Variants in SGIP1 observed in about 807,000 individuals in gnomAD.
SGIP1 encodes the protein SH3GL interacting endocytic adaptor 1, also known as SH3-containing GRB2-like protein 3-interacting protein 1.
A neutral mutation model predicts 107.5 loss-of-function variants in SGIP1; 38 were observed. The ratio of observed to expected loss-of-function variants is 0.35; its 90% CI spans 0.27 to 0.46. The LOEUF is 0.46. Ranked by LOEUF, SGIP1 falls within the 20% of genes least tolerant of loss-of-function variation. SGIP1 has a pLI of 1.00. For synonymous variants in SGIP1, 365 were observed against 366.1 expected, an observed-to-expected ratio of 1.00 and a Z score of 0.03; for missense variants, 929 against 1,019.5, an observed-to-expected ratio of 0.91 and a Z score of 1.21.
intron 1 of SGIP1, among the ~76,000 whole-genome samples, chr1:66,599,163 T>C (rs1001223020): frequency 2.0e-5 from 3 of 152,220 alleles, no homozygotes; most frequent in Admixed American, 6.5e-5. Flanking sequence ...AATGCTCAAG[T>C]TACTCGAACC....
chr1:66,714,493 A>G (rs1386306961), intron 18 of SGIP1, among the ~76,000 whole-genome samples: 2 of 152,116 alleles, frequency 1.3e-5, no homozygotes, highest in East Asian at 1.9e-4. Flanking sequence ...GAAAGACTAC[A>G]TATTTGTGCC....
At chr1:66,709,042 G>T (rs114834780) in intron 18 of SGIP1, among the ~76,000 whole-genome samples, 3,027 of 150,414 alleles carry the variant, frequency 0.02, 98 homozygotes, top group African/African-American at 0.069. Context: ...TTAAGTTCTG[G>T]GATACATGCG....
chr1:66,724,399 T>C (rs1423420420), intron 19 of SGIP1, among the ~76,000 whole-genome samples: 1 of 152,176 alleles, frequency 6.6e-6, no homozygotes, highest in African/African-American at 2.4e-5. Context: ...GAAAAATCCT[T>C]AAGTTAAAAA....
At chr1:66,653,576 C>A (rs1347443044) in intron 7 of SGIP1, among the ~76,000 whole-genome samples, 1 of 152,124 alleles carries the variant, frequency 6.6e-6, no homozygotes, top group Non-Finnish European at 1.5e-5. Context: ...TCTGGGCAAG[C>A]TGACCTGATT....
intron 7 of SGIP1, among the ~76,000 whole-genome samples, chr1:66,648,626 C>T (rs4655648): frequency 0.66 from 100,397 of 152,044 alleles, 34,163 homozygotes; most frequent in East Asian, 1. Flanking sequence ...ATTGCCTAGA[C>T]CTACCAGGCC....
At chr1:66,595,867 G>A (rs1254373534) in intron 1 of SGIP1, among the ~76,000 whole-genome samples, 1 of 152,190 alleles carries the variant, frequency 6.6e-6, no homozygotes, top group Non-Finnish European at 1.5e-5. Context: ...TTCTTGCAAT[G>A]ACAAAATTAG....
upstream of SGIP1, chr1:66,533,738 TAA>T (rs2052904318): frequency 1.3e-5 from 2 of 152,744 alleles, no homozygotes; most frequent in Non-Finnish European, 2.9e-5. Flanking sequence ...ACGGAATTAT[TAA>T]GTTTTTCTTA....
intron 18 of SGIP1, among the ~76,000 whole-genome samples, chr1:66,701,955 C>T (rs1450306069): frequency 6.6e-6 from 1 of 152,196 alleles, no homozygotes; most frequent in Non-Finnish European, 1.5e-5. Context: ...CTATTCCAAG[C>T]ATGTCACCAT....
At chr1:66,601,755 C>T (rs2065882445) in intron 1 of SGIP1, among the ~76,000 whole-genome samples, 1 of 152,138 alleles carries the variant, frequency 6.6e-6, no homozygotes, top group African/African-American at 2.4e-5. Flanking sequence ...CCTATTCTTC[C>T]TGTATGTAAG....
In SGIP1 at chr1:66,689,276, G is replaced by A; in HGVS notation, c.1443+1G>A. 1 of 1,613,378 alleles carries A rather than the reference G, an allele frequency of 6.2e-7. No homozygotes were observed. Among genetic ancestry groups the A allele is most frequent in the Non-Finnish European group, 8.5e-7 (1 of 1,179,558 alleles). On this transcript the variant is annotated splice_donor_variant, in intron 16 of 24. Transcript: ENST00000371037. LOFTEE classifies it high-confidence loss of function. ...AGGAAAACCTGGAGTTGGAGATGTG[G>A]TATGTTCCCTTCTGCCCTGGCTTGC...
chr1:66,646,800 AT>A (rs758791005), intron 7 of SGIP1, among the ~76,000 whole-genome samples: 1 of 152,218 alleles, frequency 6.6e-6, no homozygotes, highest in East Asian at 1.9e-4. Context: ...AATAAACAAA[AT>A]TTTAGTCCAG....
At chr1:66,626,518 A>C (rs552949810) in intron 2 of SGIP1, among the ~76,000 whole-genome samples, 110 of 152,346 alleles carry the variant, frequency 7.2e-4, no homozygotes, top group Non-Finnish European at 1.4e-3. Context: ...GCCCACAGAC[A>C]CTGATAGACT....
chr1:66,743,267 A>T lies in SGIP1; in HGVS notation c.*172A>T. On this transcript the variant is annotated 3_prime_UTR_variant, in exon 25 of 25. Transcript: ENST00000371037. ...TCCCTCACACACTACCATGATGACC[A>T]GTCCTACAGTATTTACTTCTAGGTG... is the stretch of plus-strand genomic sequence containing the variant. 1.7e-6 allele frequency: 1 copy of T among 571,736 alleles called. No individual in the cohort carries two copies. Among genetic ancestry groups the T allele is most frequent in the Non-Finnish European group, 3.1e-6 (1 of 323,100 alleles). 35.4% of individuals were successfully genotyped at this position (571,736 alleles called of 1,614,324 possible). A position where few individuals can be genotyped will look rare whatever the true frequency, so the allele number is the denominator to read the frequency against.
At chr1:66,593,958 G>A (rs1046522872) in intron 1 of SGIP1, among the ~76,000 whole-genome samples, 6 of 151,954 alleles carry the variant, frequency 3.9e-5, no homozygotes, top group Non-Finnish European at 5.9e-5. Flanking sequence ...CACATATTCC[G>A]ATTAGCATTG....
chr1:66,561,031 C>CA (rs768984091), intron 1 of SGIP1, among the ~76,000 whole-genome samples: 24 of 152,126 alleles, frequency 1.6e-4, no homozygotes, highest in Non-Finnish European at 2.9e-4. Context: ...TCTAGTCCCC[C>CA]AAACAACCCT....
At chr1:66,642,713 A>G in intron 5 of SGIP1, 97 bp from the exon 6 acceptor site, 1 of 1,017,562 alleles carries the variant, frequency 9.8e-7, no homozygotes, top group South Asian at 2.0e-5. Context: ...AAAAGAAAAG[A>G]CTTTTCTATA....
rs2085559823 is a variant in SGIP1, at chr1:66,677,116, T to A, written c.739+20T>A. 6 of 1,592,950 alleles carry A rather than the reference T, an allele frequency of 3.8e-6. No individual in the cohort carries two copies. Among genetic ancestry groups the A allele is most frequent in the Non-Finnish European group, 5.2e-6 (6 of 1,164,008 alleles). On this transcript the variant is annotated intron_variant, in intron 13 of 24. Transcript: ENST00000371037. ...CTGGAAGTAAGTTATGTGTCTGCTC[T>A]GTCTGGAAAAATAAGTGACTCATTT...
At chr1:66,674,696 C>T (rs2084763141) in intron 12 of SGIP1, among the ~76,000 whole-genome samples, 1 of 152,308 alleles carries the variant, frequency 6.6e-6, no homozygotes, top group South Asian at 2.1e-4. Context: ...TTATCTCTGG[C>T]TCCAAGGAGG....
Position 66,564,939 on chromosome 1 carries a change from A to G in SGIP1, c.10+30571A>G, listed in dbSNP as rs535040514. On this transcript the variant is annotated intron_variant, in intron 1 of 24. Transcript: ENST00000371037. ...AACTAGCGTAATAGTAACACTTCTT[A>G]CAATAACCCTGTGGGGCTTATAATG... Among the ~76,000 whole-genome samples the G allele has an allele frequency of 9.9e-5, 15 of 152,100 alleles. No homozygotes were observed. The South Asian group carries it at 2.9e-3, about 29-fold the overall frequency.
Sources: gnomAD v4.1 joint callset for allele counts (sites outside exome capture counted in the v4.1 genomes callset) on GRCh38, gnomAD v4.1.1 for gene constraint, MANE v1.5 for transcripts, NCBI Gene and HGNC (gene_info 2026-07-23, HGNC 2026-07-21) for gene names.